SULF1: variants seen among roughly 807,000 people sequenced by gnomAD.
SULF1 encodes the protein extracellular sulfatase Sulf-1.
Under a neutral mutation model 110.5 loss-of-function variants are expected in SULF1, and 46 were observed. The observed-to-expected ratio is 0.42, with a 90% CI of 0.33 to 0.53. The LOEUF (loss-of-function observed/expected upper bound fraction) is 0.53, where lower values mean the gene tolerates loss of function less well. Among genes scored for constraint, SULF1 ranks in the 20% least tolerant of loss-of-function variants. SULF1 has a pLI of 0.12. For synonymous variants in SULF1, 371 were observed against 387.1 expected, an observed-to-expected ratio of 0.96 and a Z score of 0.49; for missense variants, 941 against 1,094.2, an observed-to-expected ratio of 0.86 and a Z score of 1.98.
At chr8:69,480,795 G>C (rs921014431) in intron 1 of SULF1, among the ~76,000 whole-genome samples, 5 of 148,970 alleles carry the variant, frequency 3.4e-5, no homozygotes, top group African/African-American at 9.9e-5. Flanking sequence ...AAAAAGTTTT[G>C]TTTTTCACTG....
chr8:69,595,528 G>C (rs1313894470), intron 8 of SULF1, among the ~76,000 whole-genome samples: 1 of 152,206 alleles, frequency 6.6e-6, no homozygotes, highest in Non-Finnish European at 1.5e-5. Context: ...AGTAAGTTCA[G>C]TTTTAGTGAA....
At chr8:69,608,673 G>A (rs1030884748) in intron 13 of SULF1, among the ~76,000 whole-genome samples, 6 of 151,824 alleles carry the variant, frequency 4.0e-5, no homozygotes, top group South Asian at 2.1e-4. Context: ...CAAAAAGGGC[G>A]AAACTCCATC....
At chr8:69,532,017 G>C (rs79540743) in intron 3 of SULF1, among the ~76,000 whole-genome samples, 6,455 of 152,216 alleles carry the variant, frequency 0.042, 196 homozygotes, top group African/African-American at 0.084. Flanking sequence ...ACCTTTGATG[G>C]GATAATTTCT....
chr8:69,500,249 G>A (rs953414700), intron 2 of SULF1, among the ~76,000 whole-genome samples: 20 of 152,088 alleles, frequency 1.3e-4, no homozygotes, highest in Admixed American at 6.6e-5. Flanking sequence ...GTGCTAGGTC[G>A]TCTTGCAAGT....
At chr8:69,655,296 T>G (rs923179436) in intron 22 of SULF1, among the ~76,000 whole-genome samples, 1 of 152,200 alleles carries the variant, frequency 6.6e-6, no homozygotes, top group Non-Finnish European at 1.5e-5. Flanking sequence ...CATCTCTGCA[T>G]GGCTGCAGCA....
intron 2 of SULF1, among the ~76,000 whole-genome samples, chr8:69,499,096 C>G (rs1968556): frequency 0.52 from 78,844 of 151,986 alleles, 21,250 homozygotes; most frequent in East Asian, 0.81. Context: ...TGACTTCAAG[C>G]AATCTGCCCG....
At chr8:69,496,147 G>A (rs1810339410) in intron 2 of SULF1, among the ~76,000 whole-genome samples, 1 of 152,212 alleles carries the variant, frequency 6.6e-6, no homozygotes, top group Non-Finnish European at 1.5e-5. Context: ...GGATTTCAGA[G>A]CTGTTACCCT....
At chr8:69,629,154 C>G (rs1227350422) in intron 18 of SULF1, among the ~76,000 whole-genome samples, 1 of 152,136 alleles carries the variant, frequency 6.6e-6, no homozygotes, top group African/African-American at 2.4e-5. Context: ...GTGCCTCATC[C>G]TCCCTAGTAG....
chr8:69,565,572 A>G (rs1328201967), intron 5 of SULF1, among the ~76,000 whole-genome samples: 24 of 151,948 alleles, frequency 1.6e-4, no homozygotes, highest in Admixed American at 1.6e-3. Context: ...GGATCCTCTC[A>G]TCTTTCCCAG....
chr8:69,645,656 CA>C (rs1185740609), intron 22 of SULF1, among the ~76,000 whole-genome samples: 2 of 152,164 alleles, frequency 1.3e-5, no homozygotes, highest in African/African-American at 4.8e-5. Flanking sequence ...CTGAAGGCAA[CA>C]GTGCAGTGAT....
In SULF1 at chr8:69,593,430, C is replaced by T. The variant is rs115592555; in HGVS notation, c.734+4289C>T. On this transcript the variant is annotated intron_variant, in intron 8 of 22. Transcript: ENST00000402687. ...TCCCCAATTGCAGGGATGCAAGTAA[C>T]GTGAACACTTTCCTTTCGGTCATCT... 5.9e-5 allele frequency among the ~76,000 whole-genome samples: 9 copies of T among 152,302 alleles called. No individual in the cohort carries two copies. In the East Asian group the frequency reaches 1.5e-3, roughly 26 times the overall value.
intron 2 of SULF1, among the ~76,000 whole-genome samples, chr8:69,501,103 T>C (rs987892743): frequency 5.3e-5 from 8 of 152,320 alleles, no homozygotes; most frequent in African/African-American, 1.9e-4. Context: ...TATGAAGACT[T>C]TAAATGAAAT....
chr8:69,501,069 C>A (rs1452429373), intron 2 of SULF1, among the ~76,000 whole-genome samples: 1 of 152,084 alleles, frequency 6.6e-6, no homozygotes, highest in Non-Finnish European at 1.5e-5. Flanking sequence ...TACGAAGGTA[C>A]AACTGTAGTC....
At chr8:69,640,301 T>C (rs1811382026) in intron 21 of SULF1, among the ~76,000 whole-genome samples, 1 of 152,200 alleles carries the variant, frequency 6.6e-6, no homozygotes, top group Non-Finnish European at 1.5e-5. Flanking sequence ...ATAGGACTTT[T>C]ATTGGTGGTG....
At chr8:69,515,780 A>T (rs1425630212) in intron 3 of SULF1, among the ~76,000 whole-genome samples, 3 of 152,182 alleles carry the variant, frequency 2.0e-5, no homozygotes, top group Non-Finnish European at 4.4e-5. Context: ...GCTGCTTAGA[A>T]ATTTCTTCTG....
At position 69,579,629 on chromosome 8, in the gene SULF1, C is replaced by A. The variant is rs1298239676; in HGVS notation, c.412+3420C>A. On this transcript the variant is annotated intron_variant, in intron 6 of 22. Transcript: ENST00000402687. ...AGAGATCTCTATAATTTAATTTATC[C>A]TTGATGGGAAAACATTACAGTATCT... 1.3e-5 allele frequency among the ~76,000 whole-genome samples: 2 copies of A among 151,332 alleles called. 1 individual carries two copies.
At position 69,538,907 on chromosome 8, in the gene SULF1, G is replaced by A. The variant is rs377424327; in HGVS notation, c.-133-24632G>A. ...GGGGTTTCACCATGTTGGCCAAGCT[G>A]GTCTCGAACTGCTGACCTTGTGATC... On this transcript the variant is annotated intron_variant, in intron 3 of 22. Coordinates refer to ENST00000402687, the MANE Select transcript of SULF1 (RefSeq NM_001128205.2). Among the ~76,000 whole-genome samples, 33 of 152,246 alleles carry A rather than the reference G, an allele frequency of 2.2e-4. No homozygotes were observed. The East Asian group carries it at 3.9e-3, about 18-fold the overall frequency.
At chr8:69,500,547 T>C (rs1322998391) in intron 2 of SULF1, among the ~76,000 whole-genome samples, 1 of 152,220 alleles carries the variant, frequency 6.6e-6, no homozygotes, top group Non-Finnish European at 1.5e-5. Context: ...ATGTAAACTT[T>C]CACTGTAGGA....
intron 3 of SULF1, among the ~76,000 whole-genome samples, chr8:69,512,270 A>C (rs1362420682): frequency 1.3e-5 from 2 of 152,144 alleles, no homozygotes; most frequent in African/African-American, 4.8e-5. Flanking sequence ...AAGGGAGAGT[A>C]GAAAAAGTGC....
Sources: allele counts gnomAD v4.1 joint callset (sites outside exome capture counted in the v4.1 genomes callset), GRCh38; gene constraint gnomAD v4.1.1; transcripts MANE v1.5; gene names NCBI Gene and HGNC (gene_info 2026-07-23, HGNC 2026-07-21).